ASXL1: variants seen among roughly 807,000 people sequenced by gnomAD.
ASXL1 encodes polycomb group protein ASXL1.
In ASXL1, 65 loss-of-function variants were observed where a neutral mutation model predicts 89.1. The ratio of observed to expected loss-of-function variants is 0.73; its 90% CI spans 0.60 to 0.90. The LOEUF is 0.90. Among genes scored for constraint, ASXL1 ranks in the 40% least tolerant of loss-of-function variants. The pLI is 0.00. For missense variants in ASXL1, 1,786 were observed against 1,942.9 expected (o/e 0.92, Z 1.52); for synonymous variants, 739 against 746.9 (o/e 0.99, Z 0.17).
rs193156446 is a variant in ASXL1 at position 32,416,140 on chromosome 20, C to T, written c.253-11988C>T. Among the ~76,000 whole-genome samples, 537 of 152,160 alleles carry T rather than the reference C, an allele frequency of 3.5e-3. 2 individuals carry two copies. Among genetic ancestry groups the T allele is most frequent in the Non-Finnish European group, 4.8e-3 (327 of 67,996 alleles). On this transcript the variant is annotated intron_variant, in intron 4 of 12. Coordinates refer to ENST00000375687, the MANE Select transcript of ASXL1 (RefSeq NM_015338.6). The stretch of plus-strand genomic sequence containing the variant: ...CAGGTGATATTTTGATACCTGTATG[C>T]AATACATAGACATTTTTCTTTGTGT...
chr20:32,409,436 A>C (rs1042567431), intron 4 of ASXL1, among the ~76,000 whole-genome samples: 1 of 152,152 alleles, frequency 6.6e-6, no homozygotes, highest in African/African-American at 2.4e-5. Flanking sequence ...GCTACATGTT[A>C]TTTTTTTCAT....
At chr20:32,398,851 C>T (rs1242653441) in intron 4 of ASXL1, among the ~76,000 whole-genome samples, 15 of 151,208 alleles carry the variant, frequency 9.9e-5, no homozygotes, top group African/African-American at 1.9e-4. Flanking sequence ...CCTCGTGATC[C>T]GCCCGCCTCG....
At chr20:32,404,818 C>A (rs1466359500) in intron 4 of ASXL1, among the ~76,000 whole-genome samples, 1 of 152,050 alleles carries the variant, frequency 6.6e-6, no homozygotes, top group Non-Finnish European at 1.5e-5. Context: ...TTCTTCTATT[C>A]CTAGTTTACT....
chr20:32,383,285 G>A (rs1160910178), intron 4 of ASXL1, among the ~76,000 whole-genome samples: 1 of 150,882 alleles, frequency 6.6e-6, no homozygotes, highest in African/African-American at 2.4e-5. Flanking sequence ...CCATTATATT[G>A]GCATTTATAG....
In ASXL1 at chr20:32,358,663, G is replaced by C; in HGVS notation, c.-113G>C. On this transcript the variant is annotated 5_prime_UTR_variant, in exon 1 of 13. Coordinates refer to ENST00000375687, the MANE Select transcript of ASXL1 (RefSeq NM_015338.6). ...GGCCGCACCCGAGACCTCGCGCGCC[G>C]CCGCTGCCACGCGCCCCCCCCACCG... 1 of 328,116 alleles carries C rather than the reference G, an allele frequency of 3.0e-6. No individual in the cohort carries two copies. The highest frequency in any genetic ancestry group is 4.5e-6 in the Non-Finnish European group (1 of 223,658). The allele number at this position is 328,116 out of a possible 1,614,324, so 20.3% of individuals were successfully genotyped here.
intron 4 of ASXL1, among the ~76,000 whole-genome samples, chr20:32,400,647 G>T (rs936675570): frequency 6.6e-6 from 1 of 152,168 alleles, no homozygotes; most frequent in Non-Finnish European, 1.5e-5. Context: ...TACTCAGTGA[G>T]TACCTCTCTA....
At chr20:32,432,477 A>G in intron 10 of ASXL1, 1 of 262,878 alleles carries the variant, frequency 3.8e-6, no homozygotes, top group Admixed American at 5.0e-5. Context: ...TTGTTTGCAT[A>G]AACAATTTAG....
At chr20:32,415,848 C>A (rs1342689409) in intron 4 of ASXL1, among the ~76,000 whole-genome samples, 2 of 151,994 alleles carry the variant, frequency 1.3e-5, no homozygotes, top group Non-Finnish European at 1.5e-5. Context: ...CAGGAAGATG[C>A]AAAGAAGTAT....
chr20:32,379,214 T>A (rs2048444485), intron 4 of ASXL1, among the ~76,000 whole-genome samples: 1 of 123,618 alleles, frequency 8.1e-6, no homozygotes, highest in African/African-American at 3.0e-5. Flanking sequence ...AGACAGAGTC[T>A]CCTTCTGTCA....
chr20:32,415,710 T>A (rs1437949888), intron 4 of ASXL1, among the ~76,000 whole-genome samples: 4 of 152,184 alleles, frequency 2.6e-5, no homozygotes, highest in Non-Finnish European at 5.9e-5. Context: ...CTTCTTACCT[T>A]CCTGCTCAAC....
intron 4 of ASXL1, among the ~76,000 whole-genome samples, chr20:32,399,747 CTTTTTTTTT>C (rs369127811): frequency 1.4e-5 from 1 of 73,888 alleles, no homozygotes; most frequent in South Asian, 4.6e-4. Context: ...ATATTTTACT[CTTTTTTTTT>C]TTTTTTTTTT....
chr20:32,426,807 C>T lies in ASXL1; in HGVS notation c.253-1321C>T, dbSNP rs2011322843. Among the ~76,000 whole-genome samples, 7 of 151,992 alleles carry T rather than the reference C, an allele frequency of 4.6e-5. No individual in the cohort carries two copies. The South Asian group carries it at 1.5e-3, about 32-fold the overall frequency. On this transcript the variant is annotated intron_variant, in intron 4 of 12. Coordinates refer to ENST00000375687, the MANE Select transcript of ASXL1 (RefSeq NM_015338.6). The stretch of plus-strand genomic sequence containing the variant: ...TCTCCTGACCTCGTGATCCACCTGC[C>T]TCAGCCTCCCAAAGTGCTGGGATTA...
rs576575030 is a variant in ASXL1 at position 32,377,714 on chromosome 20, A to G, written c.252+8591A>G. 4.6e-5 allele frequency among the ~76,000 whole-genome samples: 7 copies of G among 151,136 alleles called. No homozygotes were observed. In the South Asian group the frequency reaches 1.5e-3, roughly 32 times the overall value. On this transcript the variant is annotated intron_variant, in intron 4 of 12. Transcript: ENST00000375687. ...GTCGCCCAGGCTGGAGTGCAATGGCATGGTCTTGGCTCACTGCAACCTCCG... is the reference window on the plus strand; with the variant it reads ...GTCGCCCAGGCTGGAGTGCAATGGCGTGGTCTTGGCTCACTGCAACCTCCG...
chr20:32,423,362 T>C (rs1243502496), intron 4 of ASXL1, among the ~76,000 whole-genome samples: 1 of 151,688 alleles, frequency 6.6e-6, no homozygotes, highest in Non-Finnish European at 1.5e-5. Flanking sequence ...CCCAAGTAGC[T>C]GGGATTACAG....
At chr20:32,397,131 G>A (rs1214477236) in intron 4 of ASXL1, among the ~76,000 whole-genome samples, 6 of 135,642 alleles carry the variant, frequency 4.4e-5, no homozygotes, top group Non-Finnish European at 9.2e-5. Context: ...TGCAACCTCC[G>A]CCTACCAGGT....
intron 2 of ASXL1, among the ~76,000 whole-genome samples, chr20:32,366,714 A>G (rs1350723891): frequency 1.3e-5 from 2 of 152,080 alleles, no homozygotes; most frequent in African/African-American, 4.8e-5. Context: ...AAATCTTGGC[A>G]TAGAGCTTGT....
At chr20:32,431,837 G>A (rs1227963850) in intron 10 of ASXL1, among the ~76,000 whole-genome samples, 158 bp downstream of exon 10, 1 of 152,192 alleles carries the variant, frequency 6.6e-6, no homozygotes. Flanking sequence ...GTATTAATAT[G>A]CCACACAGCT....
intron 4 of ASXL1, among the ~76,000 whole-genome samples, chr20:32,396,324 G>A (rs907334696): frequency 1.3e-5 from 2 of 152,126 alleles, no homozygotes; most frequent in Non-Finnish European, 2.9e-5. Context: ...ACTTTGGGTT[G>A]TGGATATTTT....
rs2012017250 is a variant in ASXL1 at position 32,437,779 on chromosome 20, C to T, written c.*441C>T. ...TTCTGCTACTTTGGGGAGTTGATGG[C>T]CAGGAAAGAAGCCAGCACAGGGTTA... is the stretch of plus-strand genomic sequence containing the variant. On this transcript the variant is annotated 3_prime_UTR_variant, in exon 13 of 13. Coordinates refer to ENST00000375687, the MANE Select transcript of ASXL1 (RefSeq NM_015338.6). 1 of 277,112 alleles carries T rather than the reference C, an allele frequency of 3.6e-6. No individual in the cohort carries two copies. The highest frequency in any genetic ancestry group is 2.1e-5 in the African/African-American group (1 of 46,570). 17.2% of individuals were successfully genotyped at this position (277,112 alleles called of 1,614,324 possible).
Sources: gnomAD v4.1 joint callset for allele counts (sites outside exome capture counted in the v4.1 genomes callset) on GRCh38, gnomAD v4.1.1 for gene constraint, MANE v1.5 for transcripts, NCBI Gene and HGNC (gene_info 2026-07-23, HGNC 2026-07-21) for gene names.